ARHGDIB: variants seen among roughly 807,000 people sequenced by gnomAD.
ARHGDIB encodes the protein rho GDP-dissociation inhibitor 2.
Under a neutral mutation model 22.6 loss-of-function variants are expected in ARHGDIB, and 20 were observed. That is an observed-to-expected ratio of 0.88 (90% CI 0.62 to 1.28). The LOEUF is 1.28. Among genes scored for constraint, ARHGDIB ranks in the 50% most tolerant of loss-of-function variants. The pLI, the probability that ARHGDIB is intolerant of heterozygous loss-of-function variation, is 0.00. For missense variants in ARHGDIB, 254 were observed against 245.4 expected (o/e 1.04, Z -0.23); for synonymous variants, 114 against 96.1 (o/e 1.19, Z -1.09).
chr12:14,949,803 A>T lies in ARHGDIB; in HGVS notation c.264T>A (p.Thr88=). 1 of 1,613,432 alleles carries T rather than the reference A, an allele frequency of 6.2e-7. No individual in the cohort carries two copies. Among genetic ancestry groups the T allele is most frequent in the Non-Finnish European group, 8.5e-7 (1 of 1,179,560 alleles). ...SAPGPITMDL[T]GDLEALKKET... is the part of the protein sequence containing the mutation. ...AACAGTACAGATGTGTCTACATACC[A>T]GTAAGGTCCATGGTGATTGGTCCCG... Residue 88 remains threonine, a splice_region_variant and synonymous_variant, in exon 3 of 6, where the codon ACT becomes ACA. Coordinates refer to ENST00000228945, the MANE Select transcript of ARHGDIB (RefSeq NM_001175.7).
At chr12:14,951,071 G>A (rs1011025090) in intron 1 of ARHGDIB, 3 of 166,466 alleles carry the variant, frequency 1.8e-5, no homozygotes, top group African/African-American at 2.4e-5. Flanking sequence ...TCAAAAAGCT[G>A]TAGGAGTTAT....
At chr12:14,948,022 C>G in intron 3 of ARHGDIB, 73 bp from the exon 4 acceptor site, 1 of 1,347,526 alleles carries the variant, frequency 7.4e-7, no homozygotes, top group South Asian at 1.2e-5. Context: ...TTTTAAGTCC[C>G]GGAAAAATTT....
chr12:14,960,811 A>G (rs1864395425), intron 1 of ARHGDIB, among the ~76,000 whole-genome samples: 1 of 152,128 alleles, frequency 6.6e-6, no homozygotes, highest in African/African-American at 2.4e-5. Context: ...CCCTATTATT[A>G]TTTTTGACAA....
At chr12:14,949,762 T>A in intron 3 of ARHGDIB, 40 bp downstream of exon 3, 1 of 1,595,642 alleles carries the variant, frequency 6.3e-7, no homozygotes, top group Non-Finnish European at 8.6e-7. Flanking sequence ...CTTTGTGATA[T>A]CTTAGGCCCC....
chr12:14,956,906 T>C (rs987448286), intron 1 of ARHGDIB, among the ~76,000 whole-genome samples: 48 of 152,316 alleles, frequency 3.2e-4, no homozygotes, highest in African/African-American at 1.1e-3. Context: ...ACATCAATGT[T>C]TTTGCTTGCA....
chr12:14,953,437 G>C (rs1864226559), intron 1 of ARHGDIB, among the ~76,000 whole-genome samples: 1 of 152,164 alleles, frequency 6.6e-6, no homozygotes, highest in Non-Finnish European at 1.5e-5. Context: ...TATTTGGTGA[G>C]CACCCACTGT....
Position 14,950,714 on chromosome 12 carries a change from C to G in ARHGDIB, c.-2G>C. The G allele has an allele frequency of 6.2e-7, 1 of 1,603,234 alleles. No homozygotes were observed. The highest frequency in any genetic ancestry group is 8.5e-7 in the Non-Finnish European group (1 of 1,176,298). On this transcript the variant is annotated 5_prime_UTR_variant, in exon 2 of 6. Transcript: ENST00000228945. ...TGGCTCTGGGGCTTTTTCAGTCATT[C>G]TGATCTATTTCTGGGAGACAGAATG...
chr12:14,950,685 C>A lies in ARHGDIB; in HGVS notation c.28G>T (p.Val10Leu). The change falls in exon 2 of 6, where the codon GTG becomes TTG. Residue 10 changes from valine to leucine, a missense_variant. Transcript: ENST00000228945. Reference protein sequence around the residue: MTEKAPEPHVEEDDDDELDS... With the variant: MTEKAPEPHLEEDDDDELDS... ...AGCTCATCATCGTCATCCTCCTCCA[C>A]ATGTGGCTCTGGGGCTTTTTCAGTC... 4 of 1,612,362 alleles carry A rather than the reference C, an allele frequency of 2.5e-6. No individual in the cohort carries two copies. Among genetic ancestry groups the A allele is most frequent in the Non-Finnish European group, 3.4e-6 (4 of 1,179,362 alleles).
At chr12:14,945,682 A>G (rs770659684) in intron 4 of ARHGDIB, among the ~76,000 whole-genome samples, 3 of 152,256 alleles carry the variant, frequency 2.0e-5, no homozygotes, top group Non-Finnish European at 4.4e-5. Flanking sequence ...TTTTTCTTCA[A>G]CAATAATTAT....
chr12:14,944,881 C>G, intron 4 of ARHGDIB, 42 bp from the exon 5 acceptor site: 3 of 1,578,100 alleles, frequency 1.9e-6, no homozygotes, highest in Non-Finnish European at 2.6e-6. Context: ...TTAAGAGGGT[C>G]TTTCATTTTT....
chr12:14,942,978 C>G (rs887422962), intron 5 of ARHGDIB, among the ~76,000 whole-genome samples: 2 of 152,070 alleles, frequency 1.3e-5, no homozygotes. Context: ...CAGTGATTCT[C>G]CTGCCTCAAC....
At position 14,947,963 on chromosome 12, in the gene ARHGDIB, T is replaced by A; in HGVS notation, c.266-14A>T. The A allele has an allele frequency of 1.3e-6, 2 of 1,597,718 alleles. No homozygotes were observed. Among genetic ancestry groups the A allele is most frequent in the Non-Finnish European group, 1.7e-6 (2 of 1,165,100 alleles). ...CTTCCAGATCTCCTGTAGAAGAAGATTTAGAGAGAGTTTATCCTCAAAAGC... is the reference window on the plus strand; with the variant it reads ...CTTCCAGATCTCCTGTAGAAGAAGAATTAGAGAGAGTTTATCCTCAAAAGC... On this transcript the variant is annotated splice_polypyrimidine_tract_variant and intron_variant, in intron 3 of 5. Coordinates refer to ENST00000228945, the MANE Select transcript of ARHGDIB (RefSeq NM_001175.7).
At chr12:14,944,241 G>A (rs1402213635) in intron 5 of ARHGDIB, among the ~76,000 whole-genome samples, 2 of 151,322 alleles carry the variant, frequency 1.3e-5, no homozygotes, top group Admixed American at 6.6e-5. Context: ...ATTAAGTAAT[G>A]TTGTTGTGTT....
intron 1 of ARHGDIB, among the ~76,000 whole-genome samples, chr12:14,952,576 T>A (rs936904273): frequency 6.6e-6 from 1 of 152,138 alleles, no homozygotes; most frequent in East Asian, 1.9e-4. Flanking sequence ...GTGAATGAAC[T>A]GGTTGGAAAA....
In ARHGDIB at chr12:14,942,654, T is replaced by G. The variant is rs1296546882; in HGVS notation, c.474A>C (p.Pro158=). 6.2e-7 allele frequency: 1 copy of G among 1,614,144 alleles called. No homozygotes were observed. The highest frequency in any genetic ancestry group is 1.1e-5 in the South Asian group (1 of 91,082). ...PRPEEYEFLT[P]VEEAPKGMLA... ...GCATGCCCTTGGGAGCCTCCTCAAC[T>G]GGAGTGAGGAACTCATACTCCTCAG... Residue 158 remains proline, a synonymous_variant, in exon 6 of 6, where the codon CCA becomes CCC. Coordinates refer to ENST00000228945, the MANE Select transcript of ARHGDIB (RefSeq NM_001175.7).
chr12:14,958,674 A>G (rs1419326334), intron 1 of ARHGDIB, among the ~76,000 whole-genome samples: 1 of 152,248 alleles, frequency 6.6e-6, no homozygotes, highest in African/African-American at 2.4e-5. Context: ...TATTCACAAA[A>G]GTTTTAAATT....
intron 1 of ARHGDIB, among the ~76,000 whole-genome samples, chr12:14,960,987 C>T (rs1249403147): frequency 6.6e-6 from 1 of 152,216 alleles, no homozygotes; most frequent in African/African-American, 2.4e-5. Flanking sequence ...TTTCATTATG[C>T]ATTTCTCTTA....
At chr12:14,960,213 G>A (rs1392484495) in intron 1 of ARHGDIB, among the ~76,000 whole-genome samples, 1 of 152,190 alleles carries the variant, frequency 6.6e-6, no homozygotes, top group Non-Finnish European at 1.5e-5. Context: ...CCCAGGGCTT[G>A]CCAGACACAC....
intron 4 of ARHGDIB, among the ~76,000 whole-genome samples, chr12:14,945,295 T>TA (rs1863986618): frequency 6.6e-6 from 1 of 152,202 alleles, no homozygotes; most frequent in Admixed American, 6.5e-5. Flanking sequence ...ACTTACCATA[T>TA]AAAAAACAAA....
Sources: gnomAD v4.1 joint callset for allele counts (sites outside exome capture counted in the v4.1 genomes callset) on GRCh38, gnomAD v4.1.1 for gene constraint, MANE v1.5 for transcripts, NCBI Gene and HGNC (gene_info 2026-07-23, HGNC 2026-07-21) for gene names.